The following STARD7 variants were observed in gnomAD, a reference collection of about 807,000 sequenced individuals.
STARD7 encodes the protein StAR related lipid transfer domain containing 7.
In STARD7, 30 loss-of-function variants were observed where a neutral mutation model predicts 45.3. That is an observed-to-expected ratio of 0.66 (90% confidence interval 0.50 to 0.90). STARD7 has a LOEUF of 0.90. STARD7 is among the 40% of genes least tolerant of loss of function. The pLI, the probability that STARD7 is intolerant of heterozygous loss-of-function variation, is 0.00. For synonymous variants in STARD7, 199 were observed against 183.0 expected, an observed-to-expected ratio of 1.09 and a Z score of -0.70; for missense variants, 495 against 491.3, an observed-to-expected ratio of 1.01 and a Z score of -0.07.
chr2:96,204,477 C>T (rs899067598), intron 1 of STARD7, among the ~76,000 whole-genome samples: 14 of 151,860 alleles, frequency 9.2e-5, no homozygotes, highest in African/African-American at 3.4e-4. Flanking sequence ...ATCGCTTGAA[C>T]CTGGGAGGCG....
At chr2:96,195,238 A>G (rs1683183678) in intron 2 of STARD7, 103 bp downstream of exon 2, 1 of 1,125,322 alleles carries the variant, frequency 8.9e-7, no homozygotes, top group Non-Finnish European at 1.3e-6. Context: ...ACTACGGCAA[A>G]TTTTCTGAGA....
chr2:96,208,073 C>T (rs1437694037), intron 1 of STARD7, 72 bp downstream of exon 1: 2 of 1,409,870 alleles, frequency 1.4e-6, no homozygotes, highest in African/African-American at 3.0e-5. Context: ...GGGCCAACGA[C>T]CACAGGGCAG....
Position 96,184,885 on chromosome 2 carries a change from T to TTA in STARD7, c.*1843_*1844dup, listed in dbSNP as rs1683010437. 1 of 152,670 alleles carries TTA rather than the reference T, an allele frequency of 6.6e-6. No individual in the cohort carries two copies. The highest frequency in any genetic ancestry group is 1.5e-5 in the Non-Finnish European group (1 of 68,054). 9.5% of individuals were successfully genotyped at this position (152,670 alleles called of 1,614,324 possible). On this transcript the variant is annotated 3_prime_UTR_variant, in exon 8 of 8. Transcript: ENST00000337288. ...TTTTTTTGTACCAATCTTTATGTAT[T>TTA]TATTCACACATTTGATAAAAATGTC...
chr2:96,203,624 T>C (rs771432645), intron 1 of STARD7, among the ~76,000 whole-genome samples: 12 of 152,086 alleles, frequency 7.9e-5, no homozygotes, highest in Non-Finnish European at 1.6e-4. Flanking sequence ...AATTCCAAGT[T>C]ATTGTCAAAG....
intron 1 of STARD7, among the ~76,000 whole-genome samples, chr2:96,196,113 C>CAAAAAA (rs113641896): frequency 8.4e-5 from 7 of 83,208 alleles, no homozygotes; most frequent in Non-Finnish European, 1.2e-4. Context: ...ACTCTTGTCT[C>CAAAAAA]AAAAAAAAAA....
intron 1 of STARD7, among the ~76,000 whole-genome samples, chr2:96,202,955 T>C (rs925143240): frequency 1.7e-4 from 26 of 152,214 alleles, no homozygotes; most frequent in Admixed American, 7.2e-4. Context: ...CTCTCCTATA[T>C]AATTAAAGGT....
At chr2:96,206,136 C>G (rs1024757971) in intron 1 of STARD7, among the ~76,000 whole-genome samples, 2 of 152,112 alleles carry the variant, frequency 1.3e-5, no homozygotes, top group African/African-American at 4.8e-5. Flanking sequence ...CTGGTCTGAT[C>G]TCTCTGCCAT....
At chr2:96,205,057 T>C (rs1191319420) in intron 1 of STARD7, among the ~76,000 whole-genome samples, 6 of 152,198 alleles carry the variant, frequency 3.9e-5, no homozygotes, top group Non-Finnish European at 8.8e-5. Flanking sequence ...ATCAAAAACA[T>C]GACTACTGTA....
chr2:96,186,918 T>C lies in STARD7; in HGVS notation c.929-4A>G. On this transcript the variant is annotated splice_polypyrimidine_tract_variant and splice_region_variant and intron_variant, in intron 7 of 7. Coordinates refer to ENST00000337288, the MANE Select transcript of STARD7 (RefSeq NM_020151.4). ...TTCTCCAGGAAATCTGGCATGCCTG[T>C]CAGGAGACGAGAATCAGGTTAAGCT... is the stretch of plus-strand genomic sequence containing the variant. The C allele has an allele frequency of 1.2e-6, 2 of 1,611,052 alleles. No homozygotes were observed. The highest frequency in any genetic ancestry group is 1.7e-6 in the Non-Finnish European group (2 of 1,178,370).
chr2:96,202,438 A>G (rs1372960179), intron 1 of STARD7, among the ~76,000 whole-genome samples: 1 of 152,222 alleles, frequency 6.6e-6, no homozygotes, highest in Admixed American at 6.5e-5. Flanking sequence ...GTTACAACCA[A>G]GAACCCTGAC....
At chr2:96,203,123 C>T (rs898076955) in intron 1 of STARD7, among the ~76,000 whole-genome samples, 1 of 152,180 alleles carries the variant, frequency 6.6e-6, no homozygotes, top group African/African-American at 2.4e-5. Context: ...CTTCTAAATG[C>T]TAACATGACA....
chr2:96,191,089 C>G (rs1006989368), intron 6 of STARD7, among the ~76,000 whole-genome samples: 1 of 152,162 alleles, frequency 6.6e-6, no homozygotes, highest in African/African-American at 2.4e-5. Context: ...CACCTGAGCC[C>G]AGGAAGTCAA....
intron 1 of STARD7, among the ~76,000 whole-genome samples, chr2:96,197,605 T>G (rs533203579): frequency 4.3e-4 from 66 of 152,230 alleles, no homozygotes; most frequent in Non-Finnish European, 7.3e-4. Flanking sequence ...ACCATAAGAT[T>G]CATTCTTTTA....
intron 1 of STARD7, among the ~76,000 whole-genome samples, chr2:96,199,041 C>G (rs1300558922): frequency 6.6e-6 from 1 of 152,210 alleles, no homozygotes; most frequent in African/African-American, 2.4e-5. Context: ...ATCTAGATGT[C>G]TATCCTTATG....
At chr2:96,195,650 A>G (rs1198520849) in intron 1 of STARD7, 101 bp from the exon 2 acceptor site, 3 of 799,278 alleles carry the variant, frequency 3.8e-6, no homozygotes, top group Non-Finnish European at 6.2e-6. Flanking sequence ...AGTAAACCAC[A>G]GTATGTAGTA....
chr2:96,194,025 G>A (rs1234464646), intron 3 of STARD7, among the ~76,000 whole-genome samples: 1 of 152,214 alleles, frequency 6.6e-6, no homozygotes, highest in East Asian at 1.9e-4. Context: ...TCCCCTACAA[G>A]GAGGAAAGCA....
intron 1 of STARD7, among the ~76,000 whole-genome samples, chr2:96,196,034 A>G (rs1683198808): frequency 6.7e-6 from 1 of 150,214 alleles, no homozygotes; most frequent in Non-Finnish European, 1.5e-5. Flanking sequence ...AATGACTTGA[A>G]CCTGGGAGGC....
At chr2:96,194,836 A>G in intron 3 of STARD7, 122 bp downstream of exon 3, 1 of 768,604 alleles carries the variant, frequency 1.3e-6, no homozygotes, top group Non-Finnish European at 2.2e-6. Context: ...TGCAATGTGG[A>G]TGACAGGTAG....
chr2:96,200,902 T>C (rs1683294302), intron 1 of STARD7, among the ~76,000 whole-genome samples: 1 of 152,164 alleles, frequency 6.6e-6, no homozygotes, highest in Non-Finnish European at 1.5e-5. Flanking sequence ...CTGGCTGTCT[T>C]ATACACTCTA....
Sources: gnomAD v4.1 joint callset for allele counts (sites outside exome capture counted in the v4.1 genomes callset) on GRCh38, gnomAD v4.1.1 for gene constraint, MANE v1.5 for transcripts, NCBI Gene and HGNC (gene_info 2026-07-23, HGNC 2026-07-21) for gene names.